NDUFAF6: variants seen among roughly 807,000 people sequenced by gnomAD.
NDUFAF6 encodes the protein NADH:ubiquinone oxidoreductase complex assembly factor 6, also known as NADH dehydrogenase (ubiquinone) complex I, assembly factor 6.
In NDUFAF6, 45 loss-of-function variants were observed where a neutral mutation model predicts 40.8. That is an observed-to-expected ratio of 1.10 (90% confidence interval 0.87 to 1.42). The LOEUF (loss-of-function observed/expected upper bound fraction) is 1.42. Ranked by LOEUF, NDUFAF6 falls within the 40% of genes most tolerant of loss-of-function variation. NDUFAF6 has a pLI of 0.00. For synonymous variants in NDUFAF6, 185 were observed against 155.9 expected (o/e 1.19, Z -1.39); for missense variants, 435 against 418.5 (o/e 1.04, Z -0.34).
At chr8:95,100,448 G>T (rs1809615999) in exon 1 of NDUFAF6, 1 of 152,010 alleles carries the variant, frequency 6.6e-6, no homozygotes, top group Non-Finnish European at 1.5e-5. Context: ...TGGTCTAGAG[G>T]GCTACTCCAT....
At chr8:95,110,328 C>T (rs999307242) in intron 4 of NDUFAF6, among the ~76,000 whole-genome samples, 1 of 152,246 alleles carries the variant, frequency 6.6e-6, no homozygotes, top group Admixed American at 6.5e-5. Context: ...TCTTTATCTA[C>T]AGGCACAATT....
intron 2 of NDUFAF6, among the ~76,000 whole-genome samples, chr8:94,986,069 T>TGG (rs948205849): frequency 6.6e-6 from 1 of 151,984 alleles, no homozygotes; most frequent in African/African-American, 2.4e-5. Context: ...GAGATGGGGT[T>TGG]TCACCGTGTT....
At chr8:94,948,678 G>A (rs1352486780) in intron 2 of NDUFAF6, among the ~76,000 whole-genome samples, 1 of 152,144 alleles carries the variant, frequency 6.6e-6, no homozygotes, top group Non-Finnish European at 1.5e-5. Context: ...TCGGAGATGC[G>A]TCCCGGGGGT....
intron 9 of NDUFAF6, chr8:95,071,889 C>A (rs1476501843): frequency 6.6e-6 from 1 of 152,316 alleles, no homozygotes; most frequent in East Asian, 1.9e-4. Context: ...ACGCCCTGTG[C>A]TTGTTTAGGG....
chr8:95,116,985 G>C (rs1810148886), downstream of NDUFAF6, among the ~76,000 whole-genome samples: 1 of 152,172 alleles, frequency 6.6e-6, no homozygotes, highest in African/African-American at 2.4e-5. Context: ...ACAGTCCTGG[G>C]ATCATATGTT....
chr8:95,083,025 C>T (rs1808929190), intron 2 of NDUFAF6, among the ~76,000 whole-genome samples: 1 of 152,174 alleles, frequency 6.6e-6, no homozygotes, highest in Non-Finnish European at 1.5e-5. Flanking sequence ...TAGCAGTCCT[C>T]CCGTCTCAGC....
Position 94,998,524 on chromosome 8 carries a change from T to C in NDUFAF6, c.-84+17551T>C, listed in dbSNP as rs28372440. Among the ~76,000 whole-genome samples, 1,099 of 152,316 alleles carry C rather than the reference T, an allele frequency of 7.2e-3. 18 individuals are homozygous for C. Among genetic ancestry groups the C allele is most frequent in the African/African-American group, 0.024 (1,014 of 41,562 alleles). ...TTACATAAAGAGCTGCCTTGTTCTT[T>C]ATAAGAGCTTTTCCCTGTAATTATT... On this transcript the variant is annotated intron_variant, in intron 2 of 9. Transcript: ENST00000396111.
At chr8:94,980,110 A>C (rs548360459) in intron 1 of NDUFAF6, among the ~76,000 whole-genome samples, 249 of 151,708 alleles carry the variant, frequency 1.6e-3, no homozygotes, top group African/African-American at 5.7e-3. Flanking sequence ...GCGAAAAAAA[A>C]AACAACAAAA....
chr8:94,952,867 G>A (rs1486734098), intron 2 of NDUFAF6, among the ~76,000 whole-genome samples: 1 of 152,234 alleles, frequency 6.6e-6, no homozygotes, highest in Non-Finnish European at 1.5e-5. Context: ...AAAGGAAAAA[G>A]GAGGCGGGCC....
chr8:94,942,583 T>G (rs1336654479), intron 1 of NDUFAF6, among the ~76,000 whole-genome samples: 1 of 152,212 alleles, frequency 6.6e-6, no homozygotes. Flanking sequence ...CAACTATTAT[T>G]CTACATGTAT....
At chr8:95,070,881 T>C (rs764306974) in intron 9 of NDUFAF6, among the ~76,000 whole-genome samples, 10 of 152,196 alleles carry the variant, frequency 6.6e-5, no homozygotes, top group Non-Finnish European at 1.3e-4. Context: ...ATTTTTTTCC[T>C]ATTCCCCTCC....
At chr8:94,985,516 T>TA (rs1586904614) in intron 2 of NDUFAF6, among the ~76,000 whole-genome samples, 3 of 4,708 alleles carry the variant, frequency 6.4e-4, no homozygotes, top group Non-Finnish European at 9.6e-4. Context: ...TATATATATA[T>TA]TTTTTTTTTT....
At chr8:95,001,694 A>G (rs1253795335) in intron 2 of NDUFAF6, among the ~76,000 whole-genome samples, 1 of 152,224 alleles carries the variant, frequency 6.6e-6, no homozygotes, top group Non-Finnish European at 1.5e-5. Context: ...CTTCTGCTTC[A>G]ATTTGGCTGT....
chr8:95,111,618 G>A (rs1386533329), intron 4 of NDUFAF6, among the ~76,000 whole-genome samples: 1 of 152,074 alleles, frequency 6.6e-6, no homozygotes, highest in Non-Finnish European at 1.5e-5. Flanking sequence ...GCCTGCCAAA[G>A]CAGCATTCCT....
At chr8:95,093,589 C>T (rs1809340540) in intron 2 of NDUFAF6, among the ~76,000 whole-genome samples, 1 of 152,212 alleles carries the variant, frequency 6.6e-6, no homozygotes, top group African/African-American at 2.4e-5. Context: ...TATCAGACCA[C>T]TCCCTGTCCC....
intron 1 of NDUFAF6, among the ~76,000 whole-genome samples, chr8:94,964,245 T>C (rs1823828561): frequency 1.3e-5 from 2 of 151,858 alleles, no homozygotes; most frequent in Non-Finnish European, 2.9e-5. Flanking sequence ...CTGGGCAACA[T>C]AGGGAGACCC....
chr8:95,099,668 T>C (rs1432861079), upstream of NDUFAF6, among the ~76,000 whole-genome samples: 2 of 152,184 alleles, frequency 1.3e-5, no homozygotes, highest in Admixed American at 1.3e-4. Context: ...AGAGCTCCCC[T>C]AGCAGTAGCT....
At chr8:94,981,049 G>A (rs1825402402) in intron 2 of NDUFAF6, 1 of 449,190 alleles carries the variant, frequency 2.2e-6, no homozygotes. Context: ...TATTACCATG[G>A]TTTTAATATG....
chr8:95,025,035 C>G lies in NDUFAF6; in HGVS notation c.27C>G (p.Val9=). The change falls in exon 1 of 9, where the codon GTC becomes GTG. Residue 9 remains valine (V), a synonymous_variant. Coordinates refer to ENST00000396124, the MANE Select transcript of NDUFAF6 (RefSeq NM_152416.4). ...TGGCGGCCTCCGCGCACGGCTCTGT[C>G]TGGGGGCCGTTGCGGCTTGGCATCC... The part of the protein sequence containing the change: MAASAHGS[V]WGPLRLGIPG... The G allele has an allele frequency of 7.1e-7, 1 of 1,412,196 alleles. No individual in the cohort carries two copies. Among genetic ancestry groups the G allele is most frequent in the East Asian group, 2.9e-5 (1 of 34,034 alleles). The allele number at this position is 1,412,196 out of a possible 1,614,324, so 87.5% of individuals were successfully genotyped here.
Sources: allele counts gnomAD v4.1 joint callset (sites outside exome capture counted in the v4.1 genomes callset), GRCh38; gene constraint gnomAD v4.1.1; transcripts MANE v1.5; gene names NCBI Gene and HGNC (gene_info 2026-07-23, HGNC 2026-07-21).